The following NRXN1 variants were observed in gnomAD, a reference collection of about 807,000 sequenced individuals.
The protein encoded by NRXN1 is neurexin-1.
NRXN1 carries 39 observed loss-of-function variants against 150.9 expected under a neutral mutation model. The observed-to-expected ratio is 0.26, with a 90% CI of 0.20 to 0.34. The LOEUF (loss-of-function observed/expected upper bound fraction) is 0.34, where lower values mean the gene tolerates loss of function less well. NRXN1 is among the 10% of genes least tolerant of loss of function. The pLI is 1.00. For missense variants in NRXN1, 1,815 were observed against 1,949.9 expected (o/e 0.93, Z 1.30); for synonymous variants, 924 against 757.0 (o/e 1.22, Z -3.62).
At chr2:50,124,388 C>T (rs1401023143) in intron 18 of NRXN1, among the ~76,000 whole-genome samples, 1 of 152,114 alleles carries the variant, frequency 6.6e-6, no homozygotes, top group Non-Finnish European at 1.5e-5. Context: ...TTGTCTAGAA[C>T]TCTGAACATC....
At chr2:49,995,861 TAAAA>T (rs60974625) in intron 21 of NRXN1, among the ~76,000 whole-genome samples, 2 of 66,174 alleles carry the variant, frequency 3.0e-5, no homozygotes, top group African/African-American at 5.4e-5. Flanking sequence ...TGCTGGATAG[TAAAA>T]AAAAAAAAAA....
chr2:50,374,345 G>A (rs938453526), intron 17 of NRXN1, among the ~76,000 whole-genome samples: 1 of 131,314 alleles, frequency 7.6e-6, no homozygotes, highest in African/African-American at 2.8e-5. Context: ...AAATAAAATT[G>A]GGTGATGATT....
At chr2:50,142,414 A>T (rs1182927539) in intron 18 of NRXN1, among the ~76,000 whole-genome samples, 1 of 151,912 alleles carries the variant, frequency 6.6e-6, no homozygotes, top group African/African-American at 2.4e-5. Flanking sequence ...GGGTGACTAT[A>T]GTTAATAAAA....
chr2:50,272,186 C>T (rs2069773223), intron 17 of NRXN1, among the ~76,000 whole-genome samples: 1 of 152,078 alleles, frequency 6.6e-6, no homozygotes, highest in African/African-American at 2.4e-5. Context: ...GCGGAGAAAA[C>T]GTAGAAAACA....
At chr2:50,495,365 TGTGTGTGTGTGTGTG>T (rs1243971424) in intron 15 of NRXN1, among the ~76,000 whole-genome samples, 78 of 7,072 alleles carry the variant, frequency 0.011, 3 homozygotes, top group South Asian at 0.032. Context: ...TGTGTGTGTG[TGTGTGTGTGTGTGTG>T]GTGTGTGTGT....
At chr2:49,928,129 A>T (rs1232393890) in intron 22 of NRXN1, among the ~76,000 whole-genome samples, 1 of 137,176 alleles carries the variant, frequency 7.3e-6, no homozygotes, top group African/African-American at 3.1e-5. Flanking sequence ...GCTAGTGGTT[A>T]AAAAAAAAAA....
intron 5 of NRXN1, among the ~76,000 whole-genome samples, chr2:50,882,963 G>GACAT (rs1679673413): frequency 6.6e-6 from 1 of 151,712 alleles, no homozygotes; most frequent in African/African-American, 2.4e-5. Flanking sequence ...ATGCTTACCT[G>GACAT]ACATACATAT....
chr2:50,844,949 G>T (rs1673422560), intron 5 of NRXN1, among the ~76,000 whole-genome samples: 1 of 152,000 alleles, frequency 6.6e-6, no homozygotes, highest in Non-Finnish European at 1.5e-5. Flanking sequence ...GACTTGCCAG[G>T]CTCAAGCTAT....
At chr2:50,478,584 T>A (rs2090186391) in intron 15 of NRXN1, among the ~76,000 whole-genome samples, 1 of 152,214 alleles carries the variant, frequency 6.6e-6, no homozygotes, top group Admixed American at 6.5e-5. Flanking sequence ...CTATACATCT[T>A]AGTCTCCCTT....
chr2:50,934,470 A>T (rs1345025537), intron 2 of NRXN1, among the ~76,000 whole-genome samples: 2 of 152,172 alleles, frequency 1.3e-5, no homozygotes, highest in Non-Finnish European at 2.9e-5. Context: ...ATATGTAACC[A>T]CAGAGACATA....
Position 50,864,908 on chromosome 2 carries a change from C to A in NRXN1, c.832+56961G>T, listed in dbSNP as rs1334266827. ...GAGATTCAGCAAGTCCAGGGTGGGG[C>A]CTTTCTAACAAGTTCTCAGGGAAGG... On this transcript the variant is annotated intron_variant, in intron 5 of 22. Coordinates refer to ENST00000401669, the MANE Select transcript of NRXN1 (RefSeq NM_001330078.2). 2.6e-5 allele frequency among the ~76,000 whole-genome samples: 4 copies of A among 151,888 alleles called. No individual in the cohort carries two copies. The East Asian group carries it at 7.8e-4, about 29-fold the overall frequency.
chr2:50,183,467 T>C (rs1260562478), intron 18 of NRXN1, among the ~76,000 whole-genome samples: 1 of 151,898 alleles, frequency 6.6e-6, no homozygotes, highest in Non-Finnish European at 1.5e-5. Flanking sequence ...AAGACCTTAC[T>C]TTTATTTATC....
intron 5 of NRXN1, among the ~76,000 whole-genome samples, chr2:50,674,079 C>T (rs1273011632): frequency 6.6e-6 from 1 of 151,826 alleles, no homozygotes; most frequent in Non-Finnish European, 1.5e-5. Flanking sequence ...CACATGTACC[C>T]CAGAACTTAA....
At chr2:50,348,361 G>A (rs1292837428) in intron 17 of NRXN1, among the ~76,000 whole-genome samples, 2 of 152,164 alleles carry the variant, frequency 1.3e-5, no homozygotes, top group African/African-American at 2.4e-5. Context: ...TGGGAAGAGA[G>A]GAAGAGAAGG....
chr2:50,744,694 G>T (rs1282855317), intron 5 of NRXN1, among the ~76,000 whole-genome samples: 1 of 152,036 alleles, frequency 6.6e-6, no homozygotes, highest in African/African-American at 2.4e-5. Flanking sequence ...GATATTACCT[G>T]TTTAATTAGT....
At chr2:50,526,426 C>A (rs571422233) in intron 12 of NRXN1, among the ~76,000 whole-genome samples, 16 of 152,218 alleles carry the variant, frequency 1.1e-4, no homozygotes, top group South Asian at 6.2e-4. Flanking sequence ...CTCAGACAAA[C>A]CTATGGCTCA....
intron 16 of NRXN1, among the ~76,000 whole-genome samples, chr2:50,466,814 G>A (rs759502): frequency 0.59 from 88,703 of 151,040 alleles, 26,418 homozygotes; most frequent in Middle Eastern, 0.7. Context: ...TTACCAAAGT[G>A]ACTGTGTTGC....
At chr2:50,834,162 T>C (rs1315079062) in intron 5 of NRXN1, among the ~76,000 whole-genome samples, 2 of 152,080 alleles carry the variant, frequency 1.3e-5, no homozygotes, top group Non-Finnish European at 2.9e-5. Context: ...ACTAAAAAAC[T>C]GAGAAGTAGT....
rs562228031 is a variant in NRXN1, at chr2:50,493,344, T to A, written c.3070+2561A>T. Among the ~76,000 whole-genome samples, 3 of 152,154 alleles carry A rather than the reference T, an allele frequency of 2.0e-5. No homozygotes were observed. The East Asian group carries it at 5.8e-4, about 30-fold the overall frequency. On this transcript the variant is annotated intron_variant, in intron 15 of 22. Coordinates refer to ENST00000401669, the MANE Select transcript of NRXN1 (RefSeq NM_001330078.2). ...GTTGCTCTTGCTCACCCTTCAAATA[T>A]CCCTCAAACATTACTGCTGCAAAAA...
Sources: allele counts gnomAD v4.1 joint callset (sites outside exome capture counted in the v4.1 genomes callset), GRCh38; gene constraint gnomAD v4.1.1; transcripts MANE v1.5; gene names NCBI Gene and HGNC (gene_info 2026-07-23, HGNC 2026-07-21).